Variants in NCLN observed in about 807,000 individuals in gnomAD.
NCLN encodes nicalin.
A neutral mutation model predicts 69.5 loss-of-function variants in NCLN; 34 were observed. The ratio of observed to expected loss-of-function variants is 0.49; its 90% confidence interval spans 0.37 to 0.65. The LOEUF is 0.65. Among genes scored for constraint, NCLN ranks in the 30% least tolerant of loss-of-function variants. The pLI is 0.00. For synonymous variants in NCLN, 393 were observed against 358.3 expected (o/e 1.10, Z -1.09); for missense variants, 710 against 804.8 (o/e 0.88, Z 1.42).
intron 5 of NCLN, among the ~76,000 whole-genome samples, chr19:3,200,066 C>G (rs1190524832): frequency 6.6e-6 from 1 of 151,978 alleles, no homozygotes; most frequent in Admixed American, 6.6e-5. Flanking sequence ...GATCTGCTGC[C>G]TGGCTGAGTG....
At chr19:3,194,487 T>C (rs1179770387) in intron 3 of NCLN, among the ~76,000 whole-genome samples, 3 of 152,274 alleles carry the variant, frequency 2.0e-5, no homozygotes, top group Non-Finnish European at 4.4e-5. Flanking sequence ...TAAAGTTTTA[T>C]TGGCACTGGG....
At chr19:3,203,505 C>T (rs966994874) in intron 6 of NCLN, among the ~76,000 whole-genome samples, 3 of 152,072 alleles carry the variant, frequency 2.0e-5, no homozygotes, top group Non-Finnish European at 4.4e-5. Flanking sequence ...GGGAAGCTCC[C>T]GGTATGGGGT....
intron 3 of NCLN, 41 bp downstream of exon 3, chr19:3,193,469 T>C: frequency 1.9e-6 from 3 of 1,549,922 alleles, no homozygotes; most frequent in Non-Finnish European, 2.6e-6. Context: ...TGGGCGTGGG[T>C]GTGGGGAGGC....
chr19:3,202,939 G>A (rs1433309670), intron 6 of NCLN, among the ~76,000 whole-genome samples: 3 of 152,132 alleles, frequency 2.0e-5, no homozygotes, highest in African/African-American at 7.2e-5. Flanking sequence ...CGGGGCAGAT[G>A]TGGGAAGATG....
chr19:3,190,774 C>T (rs1157369250), intron 1 of NCLN, among the ~76,000 whole-genome samples: 3 of 151,642 alleles, frequency 2.0e-5, no homozygotes, highest in South Asian at 2.1e-4. Flanking sequence ...GGCCCCCCTG[C>T]GTCAGGTCTG....
At chr19:3,191,503 G>T (rs1265048037) in intron 1 of NCLN, among the ~76,000 whole-genome samples, 2 of 152,192 alleles carry the variant, frequency 1.3e-5, no homozygotes, top group Non-Finnish European at 2.9e-5. Flanking sequence ...TGTCCAAGGC[G>T]CAGTAGGGTG....
chr19:3,193,186 G>T lies in NCLN; in HGVS notation c.376-98G>T, dbSNP rs1179530605. ...TACCCCCTCCAGGGACAGTCACTGG[G>T]CCCCCTGCTACCCCCACCAGGGACA... is the stretch of plus-strand genomic sequence containing the variant. On this transcript the variant is annotated intron_variant, in intron 2 of 14. Coordinates refer to ENST00000246117, the MANE Select transcript of NCLN (RefSeq NM_020170.4). The T allele has an allele frequency of 1.4e-5, 17 of 1,198,274 alleles. No individual in the cohort carries two copies. The Admixed American group carries it at 2.3e-4, about 16-fold the overall frequency. The allele number at this position is 1,198,274 out of a possible 1,614,324, so 74.2% of individuals were successfully genotyped here.
At chr19:3,202,097 G>C (rs1916141518) in intron 6 of NCLN, among the ~76,000 whole-genome samples, 1 of 152,132 alleles carries the variant, frequency 6.6e-6, no homozygotes, top group African/African-American at 2.4e-5. Context: ...AAGCACCCCT[G>C]GTTGAGACCC....
chr19:3,196,550 G>C (rs1204024333), intron 4 of NCLN, among the ~76,000 whole-genome samples: 1 of 151,796 alleles, frequency 6.6e-6, no homozygotes, highest in Non-Finnish European at 1.5e-5. Flanking sequence ...CACACACCAA[G>C]CCGCTGCCTC....
At chr19:3,206,083 GGCCCCACCCCTGGCCCCA>G in intron 10 of NCLN, 51 bp from the exon 11 acceptor site, 2 of 1,504,832 alleles carry the variant, frequency 1.3e-6, no homozygotes, top group Non-Finnish European at 1.8e-6. Flanking sequence ...CCCCGGCCCC[GGCCCCACCCCTGGCCCCA>G]GCCCCACTGC....
In NCLN at chr19:3,205,324, G is replaced by T. The variant is rs963742264; in HGVS notation, c.1208+573G>T. ...GGCGCCGTCTCCTCCCCCAGCGCCCGCAGTCCCGGCATAGATCCTTCCCGT... is the reference window on the plus strand; with the variant it reads ...GGCGCCGTCTCCTCCCCCAGCGCCCTCAGTCCCGGCATAGATCCTTCCCGT... On this transcript the variant is annotated intron_variant, in intron 9 of 14. Coordinates refer to ENST00000246117, the MANE Select transcript of NCLN (RefSeq NM_020170.4). The surrounding 1 kb of genome is among the most constrained non-coding windows in gnomAD (Gnocchi z 4.6). Among the ~76,000 whole-genome samples, 1 of 152,218 alleles carries T rather than the reference G, an allele frequency of 6.6e-6. No individual in the cohort carries two copies. Among genetic ancestry groups the T allele is most frequent in the Non-Finnish European group, 1.5e-5 (1 of 68,034 alleles).
rs1431150586 is a variant in NCLN, at chr19:3,207,614, C to A, written c.1633-15C>A. 1 of 1,612,728 alleles carries A rather than the reference C, an allele frequency of 6.2e-7. No individual in the cohort carries two copies. Among genetic ancestry groups the A allele is most frequent in the East Asian group, 2.2e-5 (1 of 44,854 alleles). On this transcript the variant is annotated splice_polypyrimidine_tract_variant and intron_variant, in intron 14 of 14. Transcript: ENST00000246117. ...GCCCCGCCCACATCCTCACTCCCTC[C>A]TGCTGTGTCCCCAGCACTTCAGCCT...
In NCLN at chr19:3,208,045, C is replaced by G. The variant is rs112784311; in HGVS notation, c.*357C>G. ...GAGACGCCGGGACCCCCTGCCCGAT[C>G]GCGCGCGGCCTCCGCCCACCGCCTC... On this transcript the variant is annotated 3_prime_UTR_variant, in exon 15 of 15. Coordinates refer to ENST00000246117, the MANE Select transcript of NCLN (RefSeq NM_020170.4). The G allele has an allele frequency of 2.4e-4, 64 of 264,858 alleles. No homozygotes were observed. The highest frequency in any genetic ancestry group is 1.2e-3 in the African/African-American group (53 of 44,996). 16.4% of individuals were successfully genotyped at this position (264,858 alleles called of 1,614,324 possible). A position where few individuals can be genotyped will look rare whatever the true frequency, so the allele number is the denominator to read the frequency against.
chr19:3,188,091 G>A (rs898309703), intron 1 of NCLN, among the ~76,000 whole-genome samples: 3 of 152,042 alleles, frequency 2.0e-5, no homozygotes, highest in African/African-American at 7.3e-5. Context: ...GGGGTTTCCA[G>A]GGCAGTCTGC....
intron 1 of NCLN, among the ~76,000 whole-genome samples, chr19:3,190,664 A>G (rs1448324499): frequency 6.6e-6 from 1 of 152,086 alleles, no homozygotes; most frequent in Non-Finnish European, 1.5e-5. Context: ...GGGACGCTGG[A>G]GTCGGTCCTG....
Position 3,207,979 on chromosome 19 carries a change from C to T in NCLN, c.*291C>T, listed in dbSNP as rs991531941. The stretch of plus-strand genomic sequence containing the variant: ...GAGCCCCCCAGTCCTGGGAGCCGGC[C>T]GCCCTCGGTCTGGTGTAAGCACACA... On this transcript the variant is annotated 3_prime_UTR_variant, in exon 15 of 15. Transcript: ENST00000246117. The T allele has an allele frequency of 2.8e-5, 13 of 457,922 alleles. No individual in the cohort carries two copies. Among genetic ancestry groups the T allele is most frequent in the African/African-American group, 5.9e-5 (3 of 50,760 alleles). The allele number at this position is 457,922 out of a possible 1,614,324, so 28.4% of individuals were successfully genotyped here. A position where few individuals can be genotyped will look rare whatever the true frequency, so the allele number is the denominator to read the frequency against.
In NCLN at chr19:3,207,952, ACGAGCCCCCCAGTCCTGGGAG is replaced by A. The variant is rs1276977432; in HGVS notation, c.*266_*286del. On this transcript the variant is annotated 3_prime_UTR_variant, in exon 15 of 15. Coordinates refer to ENST00000246117, the MANE Select transcript of NCLN (RefSeq NM_020170.4). Reference sequence around the variant, plus strand: ...CCGGGGCCAGGCTACGGACTTGCGGACGAGCCCCCCAGTCCTGGGAGCCGGCCGCCCTCGGTCTGGTGTAAG... The same window carrying A: ...CCGGGGCCAGGCTACGGACTTGCGGACCGGCCGCCCTCGGTCTGGTGTAAG... 1.4e-5 allele frequency: 7 copies of A among 492,104 alleles called. No individual in the cohort carries two copies. The highest frequency in any genetic ancestry group is 2.2e-5 in the Non-Finnish European group (6 of 272,860). 30.5% of individuals were successfully genotyped at this position (492,104 alleles called of 1,614,324 possible).
chr19:3,193,148 C>G (rs496342), intron 2 of NCLN, 136 bp from the exon 3 acceptor site: 329,278 of 747,672 alleles, frequency 0.44, 75,127 homozygotes, highest in East Asian at 0.56. Flanking sequence ...GGGACAGTCA[C>G]TGGGCCCCCT....
chr19:3,204,723 G>C lies in NCLN; in HGVS notation c.1180G>C (p.Gly394Arg). The C allele has an allele frequency of 3.2e-6, 5 of 1,573,386 alleles. No homozygotes were observed. The highest frequency in any genetic ancestry group is 4.3e-6 in the Non-Finnish European group (5 of 1,158,740). The change falls in exon 9 of 15, where the codon GGC becomes CGC. Residue 394 changes from glycine (G) to arginine (R), a missense_variant. Transcript: ENST00000246117. ...GTCCCACCTGGAGAGCCACCGTGAC[G>C]GCCAGCGCAGCAGCATCATGGACGT... ...TLSHLESHRD[G>R]QRSSIMDVRS... is the part of the protein sequence containing the mutation.
Sources: allele counts gnomAD v4.1 joint callset (sites outside exome capture counted in the v4.1 genomes callset), GRCh38; gene constraint gnomAD v4.1.1; non-coding constraint Gnocchi (gnomAD v3.1); transcripts MANE v1.5; gene names NCBI Gene and HGNC (gene_info 2026-07-23, HGNC 2026-07-21).